WWOX: variants seen among roughly 807,000 people sequenced by gnomAD.
WWOX encodes the protein WW domain containing oxidoreductase.
Under a neutral mutation model 46.2 loss-of-function variants are expected in WWOX, and 69 were observed. The ratio of observed to expected loss-of-function variants is 1.49; its 90% CI spans 1.23 to 1.82. WWOX has a LOEUF of 1.82. WWOX is among the 40% of genes most tolerant of loss of function. The pLI is 0.00. For synonymous variants in WWOX, 359 were observed against 202.6 expected, an observed-to-expected ratio of 1.77 and a Z score of -6.56; for missense variants, 919 against 542.6, an observed-to-expected ratio of 1.69 and a Z score of -6.89.
At chr16:78,786,648 T>C (rs979320260) in intron 8 of WWOX, among the ~76,000 whole-genome samples, 1 of 152,244 alleles carries the variant, frequency 6.6e-6, no homozygotes, top group Non-Finnish European at 1.5e-5. Context: ...CATCAAAATC[T>C]AATTTTAGAG....
intron 4 of WWOX, among the ~76,000 whole-genome samples, chr16:78,150,490 T>G (rs1427531914): frequency 1.3e-5 from 2 of 152,224 alleles, no homozygotes; most frequent in African/African-American, 4.8e-5. Flanking sequence ...GCCATCCTCC[T>G]GCCTCAGCTT....
chr16:78,285,675 A>T (rs56069874), intron 5 of WWOX, among the ~76,000 whole-genome samples: 1,590 of 152,270 alleles, frequency 0.01, 29 homozygotes, highest in African/African-American at 0.034. Context: ...GGACTCTCGG[A>T]TGCTTGGTTT....
chr16:79,013,580 G>A (rs2047355167), intron 8 of WWOX, among the ~76,000 whole-genome samples: 2 of 152,152 alleles, frequency 1.3e-5, no homozygotes, highest in African/African-American at 4.8e-5. Flanking sequence ...TCAGTGTACT[G>A]TCTTCCACCG....
chr16:78,958,871 A>T (rs1213648030), intron 8 of WWOX, among the ~76,000 whole-genome samples: 1 of 152,200 alleles, frequency 6.6e-6, no homozygotes, highest in Non-Finnish European at 1.5e-5. Flanking sequence ...AAAGAAAAAA[A>T]CATGTTTGTT....
chr16:78,852,702 T>C (rs1299437989), intron 8 of WWOX, among the ~76,000 whole-genome samples: 1 of 152,198 alleles, frequency 6.6e-6, no homozygotes, highest in Non-Finnish European at 1.5e-5. Flanking sequence ...CACACCAATA[T>C]TAATACAGAG....
At chr16:78,833,564 A>C (rs977796527) in intron 8 of WWOX, among the ~76,000 whole-genome samples, 2 of 152,158 alleles carry the variant, frequency 1.3e-5, no homozygotes, top group African/African-American at 2.4e-5. Flanking sequence ...CAGTAGGCTT[A>C]TGGTGCTTGT....
intron 1 of WWOX, among the ~76,000 whole-genome samples, chr16:78,103,658 C>T (rs1420513477): frequency 6.6e-6 from 1 of 152,198 alleles, no homozygotes; most frequent in Non-Finnish European, 1.5e-5. Flanking sequence ...AACCCCTTTT[C>T]ATTCCTGACT....
intron 8 of WWOX, among the ~76,000 whole-genome samples, chr16:79,139,610 C>T (rs1375620901): frequency 1.3e-5 from 2 of 151,138 alleles, no homozygotes; most frequent in Non-Finnish European, 2.9e-5. Flanking sequence ...TTCTTTCTTT[C>T]TTTTCTTTTT....
intron 8 of WWOX, among the ~76,000 whole-genome samples, chr16:79,128,888 T>G (rs1290241613): frequency 6.6e-6 from 1 of 152,142 alleles, no homozygotes; most frequent in Non-Finnish European, 1.5e-5. Context: ...AAGGCCTGAC[T>G]GGTGTCACGA....
chr16:78,829,950 C>T (rs189012318), intron 8 of WWOX, among the ~76,000 whole-genome samples: 392 of 152,168 alleles, frequency 2.6e-3, no homozygotes, highest in Admixed American at 5.0e-3. Flanking sequence ...GATGTGAGGT[C>T]TGGGGCTTGC....
At chr16:78,391,843 T>C (rs2082179636) in intron 6 of WWOX, among the ~76,000 whole-genome samples, 2 of 152,076 alleles carry the variant, frequency 1.3e-5, no homozygotes, top group African/African-American at 4.8e-5. Context: ...TCAAACAAAT[T>C]ACTCCAAAAT....
At chr16:78,589,749 G>C (rs1319017542) in intron 8 of WWOX, among the ~76,000 whole-genome samples, 1 of 152,092 alleles carries the variant, frequency 6.6e-6, no homozygotes, top group Non-Finnish European at 1.5e-5. Flanking sequence ...ACCTTCTTTT[G>C]GTTTCTTCTC....
intron 8 of WWOX, among the ~76,000 whole-genome samples, chr16:78,560,041 T>C (rs1279914079): frequency 6.6e-6 from 1 of 152,262 alleles, no homozygotes; most frequent in Non-Finnish European, 1.5e-5. Flanking sequence ...CTGTTGTCTT[T>C]TTTAGTGTAC....
chr16:78,506,605 G>A (rs1300039122), intron 8 of WWOX: 1 of 150,892 alleles, frequency 6.6e-6, no homozygotes, highest in Non-Finnish European at 1.5e-5. Flanking sequence ...GCTGTTCAAA[G>A]TTCTGTGGTG....
chr16:78,121,680 G>C (rs79151108), intron 4 of WWOX, among the ~76,000 whole-genome samples: 1 of 142,680 alleles, frequency 7.0e-6, no homozygotes, highest in East Asian at 2.0e-4. Context: ...TTTTTTTTTT[G>C]AGTCAGAGTA....
At chr16:78,823,061 C>A (rs2051548676) in intron 8 of WWOX, among the ~76,000 whole-genome samples, 2 of 152,182 alleles carry the variant, frequency 1.3e-5, no homozygotes. Context: ...TTATTGCATG[C>A]TTTGAAGTTT....
At chr16:78,892,822 T>A in intron 8 of WWOX, among the ~76,000 whole-genome samples, 1 of 152,214 alleles carries the variant, frequency 6.6e-6, no homozygotes, top group Admixed American at 6.5e-5. Context: ...GGCCAAGGGC[T>A]GCTGATCCAA....
chr16:78,326,495 T>A (rs188503255), intron 5 of WWOX, among the ~76,000 whole-genome samples: 1,721 of 146,332 alleles, frequency 0.012, 34 homozygotes, highest in Middle Eastern at 0.035. Flanking sequence ...AATACTAAAA[T>A]GCCAGCATCA....
chr16:78,984,676 A>T (rs1046423507), intron 8 of WWOX, among the ~76,000 whole-genome samples: 12 of 152,236 alleles, frequency 7.9e-5, no homozygotes, highest in African/African-American at 2.9e-4. Context: ...GACCCTTAGG[A>T]ACCTTCTACC....
Sources: gnomAD v4.1 joint callset for allele counts (sites outside exome capture counted in the v4.1 genomes callset) on GRCh38, gnomAD v4.1.1 for gene constraint, MANE v1.5 for transcripts, NCBI Gene and HGNC (gene_info 2026-07-23, HGNC 2026-07-21) for gene names.